The following DTNB variants were observed in gnomAD, a reference collection of about 807,000 sequenced individuals.
DTNB encodes the protein dystrobrevin beta.
DTNB carries 63 observed loss-of-function variants against 90.7 expected under a neutral mutation model. The observed-to-expected ratio is 0.69, with a 90% CI of 0.57 to 0.86. DTNB has a LOEUF of 0.86. DTNB is among the 40% of genes least tolerant of loss of function. The pLI is 0.00. For missense variants in DTNB, 744 were observed against 807.1 expected (o/e 0.92, Z 0.95); for synonymous variants, 277 against 286.7 (o/e 0.97, Z 0.34).
chr2:25,580,578 G>A, intron 7 of DTNB, 143 bp downstream of exon 7: 2 of 833,326 alleles, frequency 2.4e-6, no homozygotes, highest in Non-Finnish European at 1.8e-6. Flanking sequence ...TCTTCTGAAA[G>A]CCAAAACCAC....
At chr2:25,647,907 T>A (rs189340004) in intron 2 of DTNB, among the ~76,000 whole-genome samples, 79 of 151,020 alleles carry the variant, frequency 5.2e-4, no homozygotes, top group African/African-American at 1.7e-3. Context: ...ACAAATGGCC[T>A]TAGTAACCCA....
At position 25,603,456 on chromosome 2, in the gene DTNB, T is replaced by C. The variant is rs186651297; in HGVS notation, c.448+3780A>G. Among the ~76,000 whole-genome samples, 85 of 152,316 alleles carry C rather than the reference T, an allele frequency of 5.6e-4. 1 individual carries two copies. The highest frequency in any genetic ancestry group is 2.0e-3 in the African/African-American group (83 of 41,592). ...TGGCCACAACAATGAACCATCTCTG[T>C]AAATGAATGCTACCTGGAGACAGAA... On this transcript the variant is annotated intron_variant, in intron 5 of 20. Coordinates refer to ENST00000406818, the MANE Select transcript of DTNB (RefSeq NM_021907.5).
intron 16 of DTNB, among the ~76,000 whole-genome samples, chr2:25,400,020 A>G (rs1397659693): frequency 6.6e-6 from 1 of 152,090 alleles, no homozygotes; most frequent in Non-Finnish European, 1.5e-5. Flanking sequence ...CTTTCTCACA[A>G]GTGGAGTCCG....
At chr2:25,659,023 T>C (rs1229306835) in intron 1 of DTNB, among the ~76,000 whole-genome samples, 2 of 152,006 alleles carry the variant, frequency 1.3e-5, no homozygotes, top group East Asian at 1.9e-4. Context: ...CCTGCTTCTC[T>C]AAGTTTCGGG....
At chr2:25,510,039 C>G (rs796369119) in intron 9 of DTNB, among the ~76,000 whole-genome samples, 4 of 152,158 alleles carry the variant, frequency 2.6e-5, no homozygotes, top group African/African-American at 9.6e-5. Context: ...GCATGAGCCA[C>G]CATGCCCGGC....
At chr2:25,526,687 T>C (rs1408823686) in intron 9 of DTNB, among the ~76,000 whole-genome samples, 6 of 151,980 alleles carry the variant, frequency 3.9e-5, no homozygotes, top group Non-Finnish European at 8.8e-5. Context: ...TAAGCCACCA[T>C]GCCCAGCCAT....
intron 3 of DTNB, among the ~76,000 whole-genome samples, chr2:25,635,315 C>T (rs2076912384): frequency 1.3e-5 from 2 of 152,034 alleles, no homozygotes; most frequent in South Asian, 4.1e-4. Flanking sequence ...CCTGTAGTTC[C>T]AGCTACTGGG....
intron 10 of DTNB, among the ~76,000 whole-genome samples, chr2:25,471,184 G>A (rs550824800): frequency 1.6e-4 from 25 of 152,292 alleles, no homozygotes; most frequent in African/African-American, 4.8e-4. Flanking sequence ...GACATGCCAG[G>A]CTCTATAGGT....
At chr2:25,464,309 G>A (rs2061449112) in intron 10 of DTNB, among the ~76,000 whole-genome samples, 1 of 152,184 alleles carries the variant, frequency 6.6e-6, no homozygotes, top group Non-Finnish European at 1.5e-5. Flanking sequence ...GATGAGCCTG[G>A]AGCATGTTGT....
In DTNB at chr2:25,433,943, C is replaced by T. The variant is rs774917182; in HGVS notation, c.1310G>A (p.Arg437Lys). The T allele has an allele frequency of 9.9e-6, 16 of 1,613,554 alleles. No individual in the cohort carries two copies. Among genetic ancestry groups the T allele is most frequent in the Middle Eastern group, 3.3e-4 (2 of 6,082 alleles). The change falls in exon 13 of 21, where the codon AGA (arginine) becomes AAA (lysine). Residue 437 changes from arginine to lysine, a missense_variant. Transcript: ENST00000406818. ...GTTTTCCAGTTCTGCAATAAGCTGT[C>T]TTTGTTGTTTGTTGGCATCAAAGTT... ...SFNFDANKQQ[R>K]QLIAELENKN...
chr2:25,639,290 T>G, intron 2 of DTNB, 196 bp from the exon 3 acceptor site: 1 of 454,634 alleles, frequency 2.2e-6, no homozygotes, highest in Non-Finnish European at 3.9e-6. Flanking sequence ...GCAGGAACTC[T>G]GCTAGTCTAG....
chr2:25,660,881 T>A (rs2083049766), intron 1 of DTNB, among the ~76,000 whole-genome samples: 1 of 152,204 alleles, frequency 6.6e-6, no homozygotes, highest in African/African-American at 2.4e-5. Context: ...TGCCAAAATG[T>A]TTTTTAAAGT....
intron 16 of DTNB, among the ~76,000 whole-genome samples, chr2:25,411,542 C>T (rs2046610769): frequency 6.6e-6 from 1 of 152,100 alleles, no homozygotes; most frequent in Admixed American, 6.5e-5. Context: ...CAGTAGCAGA[C>T]AGTCTATGCA....
At chr2:25,495,303 T>C (rs930802496) in intron 9 of DTNB, among the ~76,000 whole-genome samples, 1 of 152,204 alleles carries the variant, frequency 6.6e-6, no homozygotes, top group Non-Finnish European at 1.5e-5. Flanking sequence ...TGGGCTCAAG[T>C]GATCCATCTG....
chr2:25,512,619 T>G (rs955793052), intron 9 of DTNB, among the ~76,000 whole-genome samples: 6 of 152,176 alleles, frequency 3.9e-5, no homozygotes, highest in Admixed American at 3.9e-4. Context: ...TCAAGGAATT[T>G]AGGAATGCAA....
At chr2:25,458,191 A>G (rs574191617) in intron 10 of DTNB, among the ~76,000 whole-genome samples, 2 of 152,216 alleles carry the variant, frequency 1.3e-5, no homozygotes, top group Non-Finnish European at 2.9e-5. Context: ...TAATGAATCA[A>G]TTTTTTCCGA....
chr2:25,643,861 C>A (rs1044826009), intron 2 of DTNB, among the ~76,000 whole-genome samples: 2 of 152,138 alleles, frequency 1.3e-5, no homozygotes, highest in Non-Finnish European at 2.9e-5. Context: ...TTGTAAGTCA[C>A]AGGATGAGAT....
At chr2:25,458,917 T>C (rs913700577) in intron 10 of DTNB, among the ~76,000 whole-genome samples, 2 of 152,146 alleles carry the variant, frequency 1.3e-5, no homozygotes, top group African/African-American at 4.8e-5. Flanking sequence ...AGTGCTGGGA[T>C]TACAGGCATG....
At position 25,649,383 on chromosome 2, in the gene DTNB, T is replaced by A. The variant is rs77027909; in HGVS notation, c.67+3211A>T. Among the ~76,000 whole-genome samples, 7 of 152,282 alleles carry A rather than the reference T, an allele frequency of 4.6e-5. No homozygotes were observed. In the East Asian group the frequency reaches 1.4e-3, roughly 29 times the overall value. On this transcript the variant is annotated intron_variant, in intron 2 of 20. Transcript: ENST00000406818. ...AAGAAAAAGGTATAAGGATTACAAT[T>A]ACAAAAGGAAGAGTCAAAATTGTCT...
Sources: allele counts gnomAD v4.1 joint callset (sites outside exome capture counted in the v4.1 genomes callset), GRCh38; gene constraint gnomAD v4.1.1; transcripts MANE v1.5; gene names NCBI Gene and HGNC (gene_info 2026-07-23, HGNC 2026-07-21).